RBFOX2: variants seen among roughly 807,000 people sequenced by gnomAD.
The protein encoded by RBFOX2 is RNA binding protein fox-1 homolog 2.
Under a neutral mutation model 49.1 loss-of-function variants are expected in RBFOX2, and 10 were observed. That is an observed-to-expected ratio of 0.20 (90% confidence interval 0.13 to 0.35). RBFOX2 has a LOEUF of 0.35. Among genes scored for constraint, RBFOX2 ranks in the 10% least tolerant of loss-of-function variants. The probability of loss-of-function intolerance (pLI) is 1.00; values close to 1 mark genes in which losing one functional copy is unlikely to be tolerated. For missense variants in RBFOX2, 323 were observed against 486.9 expected (o/e 0.66, Z 3.17); for synonymous variants, 183 against 187.4 (o/e 0.98, Z 0.19).
intron 9 of RBFOX2, among the ~76,000 whole-genome samples, chr22:35,755,439 G>A (rs1936575314): frequency 6.6e-6 from 1 of 152,170 alleles, no homozygotes; most frequent in South Asian, 2.1e-4. Flanking sequence ...ATCTATGATA[G>A]TCAAATAGCT....
At chr22:35,774,474 A>G (rs1220453099) in intron 4 of RBFOX2, among the ~76,000 whole-genome samples, 2 of 152,196 alleles carry the variant, frequency 1.3e-5, no homozygotes, top group Admixed American at 6.5e-5. Flanking sequence ...TCAGTTAATC[A>G]AAGAAACTTA....
chr22:35,783,461 AAG>A (rs1569085638), intron 2 of RBFOX2, among the ~76,000 whole-genome samples: 2 of 152,106 alleles, frequency 1.3e-5, no homozygotes, highest in Non-Finnish European at 2.9e-5. Context: ...AGCACACGCC[AAG>A]AGTCTGCATT....
chr22:35,968,325 T>C (rs2056683462), intron 1 of RBFOX2, among the ~76,000 whole-genome samples: 1 of 152,252 alleles, frequency 6.6e-6, no homozygotes, highest in Non-Finnish European at 1.5e-5. Context: ...GTTTGCTTTA[T>C]TCTCCTATTC....
intron 2 of RBFOX2, among the ~76,000 whole-genome samples, chr22:35,805,962 C>T (rs1414835028): frequency 6.6e-6 from 1 of 152,040 alleles, no homozygotes; most frequent in Admixed American, 6.5e-5. Context: ...TCAGTGGTTG[C>T]CAGGGGTTGG....
chr22:35,966,227 T>C (rs976003335), upstream of RBFOX2, among the ~76,000 whole-genome samples: 1 of 152,218 alleles, frequency 6.6e-6, no homozygotes, highest in Non-Finnish European at 1.5e-5. Context: ...TATATCATAA[T>C]TTACTGAAAA....
upstream of RBFOX2, among the ~76,000 whole-genome samples, chr22:35,841,756 C>T (rs145479887): frequency 1.4e-4 from 21 of 152,218 alleles, no homozygotes; most frequent in African/African-American, 4.1e-4. Flanking sequence ...TACAAGCCCA[C>T]GGCTAACAAC....
At chr22:35,923,911 T>A (rs2051318498) in intron 1 of RBFOX2, among the ~76,000 whole-genome samples, 1 of 150,816 alleles carries the variant, frequency 6.6e-6, no homozygotes, top group African/African-American at 2.4e-5. Context: ...TGTTTGCTGC[T>A]GAGCAAAGAA....
At chr22:36,028,500 C>A (rs1338108126) in exon 1 of RBFOX2, 1 of 1,074,800 alleles carries the variant, frequency 9.3e-7, no homozygotes, top group African/African-American at 1.7e-5. Flanking sequence ...TCGGCCCCGA[C>A]TGTCGCGACA....
At chr22:35,911,946 A>T (rs1419178289) in intron 1 of RBFOX2, among the ~76,000 whole-genome samples, 1 of 150,810 alleles carries the variant, frequency 6.6e-6, no homozygotes, top group Non-Finnish European at 1.5e-5. Context: ...TGGTTCACTC[A>T]TTTTTTTTTA....
chr22:35,764,058 A>G (rs1037126180), intron 6 of RBFOX2, among the ~76,000 whole-genome samples: 6 of 152,156 alleles, frequency 3.9e-5, no homozygotes, highest in African/African-American at 1.4e-4. Context: ...TTTTTGTAAG[A>G]GCAGTGAAAA....
intron 1 of RBFOX2, among the ~76,000 whole-genome samples, chr22:36,013,441 C>T (rs1169284346): frequency 6.6e-6 from 1 of 152,104 alleles, no homozygotes; most frequent in African/African-American, 2.4e-5. Context: ...CTTTTTAATT[C>T]TTACACTAAT....
At chr22:35,923,763 G>A (rs1368305537) in intron 1 of RBFOX2, among the ~76,000 whole-genome samples, 1 of 150,888 alleles carries the variant, frequency 6.6e-6, no homozygotes, top group Non-Finnish European at 1.5e-5. Context: ...AAGATCAAAT[G>A]AGAATGGGTA....
intron 1 of RBFOX2, among the ~76,000 whole-genome samples, chr22:35,969,812 T>C (rs1187773701): frequency 1.3e-5 from 2 of 152,212 alleles, no homozygotes; most frequent in Non-Finnish European, 2.9e-5. Flanking sequence ...GGAATTTATA[T>C]ATAACTCAGA....
chr22:35,794,362 T>C (rs755826704), intron 2 of RBFOX2, among the ~76,000 whole-genome samples: 4 of 152,162 alleles, frequency 2.6e-5, no homozygotes, highest in South Asian at 4.1e-4. Flanking sequence ...AAGATGCTTT[T>C]AAAAATGCTT....
chr22:35,844,803 G>A (rs1377992000), upstream of RBFOX2, among the ~76,000 whole-genome samples: 1 of 152,014 alleles, frequency 6.6e-6, no homozygotes, highest in Non-Finnish European at 1.5e-5. Context: ...ACCGCGCCTG[G>A]CCTTACTTCA....
chr22:36,021,309 T>C (rs568282464), intron 1 of RBFOX2, among the ~76,000 whole-genome samples: 1 of 151,292 alleles, frequency 6.6e-6, no homozygotes, highest in South Asian at 2.1e-4. Context: ...GACGAGTTAA[T>C]GGGTGCAGCC....
chr22:36,006,265 T>C (rs1241723492), intron 1 of RBFOX2, among the ~76,000 whole-genome samples: 2 of 152,208 alleles, frequency 1.3e-5, no homozygotes, highest in Non-Finnish European at 2.9e-5. Flanking sequence ...TGGTAGAAAG[T>C]GCTTCATGTA....
chr22:35,925,993 T>C (rs2149628978), intron 1 of RBFOX2, among the ~76,000 whole-genome samples: 1 of 152,342 alleles, frequency 6.6e-6, no homozygotes, highest in African/African-American at 2.4e-5. Context: ...TAATCAACCC[T>C]AGATGAGATC....
chr22:35,986,545 T>C (rs903302760), intron 1 of RBFOX2, among the ~76,000 whole-genome samples: 1 of 152,070 alleles, frequency 6.6e-6, no homozygotes, highest in South Asian at 2.1e-4. Flanking sequence ...AAGACCAAAC[T>C]TGAAAGCAGA....
Sources: allele counts gnomAD v4.1 joint callset (sites outside exome capture counted in the v4.1 genomes callset), GRCh38; gene constraint gnomAD v4.1.1; transcripts MANE v1.5; gene names NCBI Gene and HGNC (gene_info 2026-07-23, HGNC 2026-07-21).